Variants in SRPRB observed in about 807,000 individuals in gnomAD.
The protein encoded by SRPRB is SRP receptor subunit beta, also known as signal recognition particle receptor subunit beta.
A neutral mutation model predicts 31.9 loss-of-function variants in SRPRB; 20 were observed. The ratio of observed to expected loss-of-function variants is 0.63; its 90% CI spans 0.44 to 0.91. The LOEUF is 0.91. SRPRB is among the 40% of genes least tolerant of loss of function. The pLI is 0.00. For missense variants in SRPRB, 321 were observed against 324.9 expected (o/e 0.99, Z 0.09); for synonymous variants, 146 against 132.8 (o/e 1.10, Z -0.68).
intron 1 of SRPRB, chr3:133,785,346 G>C (rs1390372849): frequency 8.5e-6 from 1 of 117,416 alleles, no homozygotes; most frequent in African/African-American, 3.4e-5. Context: ...CGGGAGGGAG[G>C]TGGGGGGGTC....
intron 6 of SRPRB, among the ~76,000 whole-genome samples, chr3:133,819,109 C>CTGGAGTTGG (rs1296849243): frequency 6.6e-6 from 1 of 152,126 alleles, no homozygotes; most frequent in East Asian, 1.9e-4. Flanking sequence ...ATATGAGAAT[C>CTGGAGTTGG]TGGAGTTGGT....
At chr3:133,807,669 G>C in intron 2 of SRPRB, 77 bp from the exon 3 acceptor site, 7 of 965,436 alleles carry the variant, frequency 7.3e-6, no homozygotes, top group Non-Finnish European at 5.0e-6. Flanking sequence ...CTTACACCTG[G>C]GAGACTTAGA....
intron 2 of SRPRB, 61 bp from the exon 3 acceptor site, chr3:133,807,685 A>G: frequency 9.0e-7 from 1 of 1,114,906 alleles, no homozygotes; most frequent in South Asian, 1.3e-5. Context: ...TTAGAATAAT[A>G]TAACTCAATT....
chr3:133,799,261 A>C (rs1051704343), intron 1 of SRPRB, among the ~76,000 whole-genome samples: 18 of 152,306 alleles, frequency 1.2e-4, no homozygotes, highest in African/African-American at 2.6e-4. Flanking sequence ...TGTTTATAAT[A>C]AGGTGAAAAA....
intron 1 of SRPRB, 65 bp downstream of exon 1, chr3:133,806,067 G>A (rs1344355621): frequency 1.9e-6 from 3 of 1,563,958 alleles, no homozygotes; most frequent in Non-Finnish European, 1.7e-6. Flanking sequence ...TGGCTGCACC[G>A]CTGCAGGCCG....
chr3:133,828,053 C>T, downstream of SRPRB: 1 of 696,850 alleles, frequency 1.4e-6, no homozygotes, highest in Non-Finnish European at 2.6e-6. Flanking sequence ...GTTGCCTGTA[C>T]CCTCAACCCC....
rs760495870 is a variant in SRPRB, at chr3:133,806,019, G to T, written c.154+17G>T. The T allele has an allele frequency of 1.7e-5, 28 of 1,609,652 alleles. No individual in the cohort carries two copies. The South Asian group carries it at 3.0e-4, about 17-fold the overall frequency. On this transcript the variant is annotated intron_variant, in intron 1 of 6. Transcript: ENST00000678299. ...TGACGCTAGGTAAAAGGCGGCCGGT[G>T]GTCATGGCGGGTTTGGGGCGGGCAG...
chr3:133,793,889 A>G (rs1423204707), intron 1 of SRPRB: 1 of 152,176 alleles, frequency 6.6e-6, no homozygotes, highest in Non-Finnish European at 1.5e-5. Flanking sequence ...CTGGAACTTT[A>G]ATGAAAAGAC....
chr3:133,812,586 T>C (rs141848752), intron 4 of SRPRB, among the ~76,000 whole-genome samples: 1 of 152,258 alleles, frequency 6.6e-6, no homozygotes, highest in Non-Finnish European at 1.5e-5. Context: ...TATGTGACTT[T>C]TTTTTAATCC....
downstream of SRPRB, among the ~76,000 whole-genome samples, chr3:133,822,165 C>T (rs781682127): frequency 6.6e-6 from 1 of 152,188 alleles, no homozygotes; most frequent in East Asian, 1.9e-4. Context: ...GTCTTGGAGA[C>T]GGGCCAACTA....
At chr3:133,823,154 A>G (rs781012595), downstream of SRPRB, among the ~76,000 whole-genome samples, 8 of 152,204 alleles carry the variant, frequency 5.3e-5, no homozygotes, top group Non-Finnish European at 8.8e-5. Context: ...TGCAGCCCCA[A>G]CGGGACTGCC....
At chr3:133,791,949 T>C (rs1934849793) in intron 1 of SRPRB, 1 of 152,220 alleles carries the variant, frequency 6.6e-6, no homozygotes, top group Non-Finnish European at 1.5e-5. Context: ...ATTTACTTCA[T>C]GTAACTTAAG....
At chr3:133,811,047 T>A in intron 3 of SRPRB, 70 bp from the exon 4 acceptor site, 1 of 1,459,282 alleles carries the variant, frequency 6.9e-7, no homozygotes, top group South Asian at 1.2e-5. Context: ...AGCCAATATA[T>A]GATACTAAAG....
downstream of SRPRB, chr3:133,826,838 G>A (rs915308109): frequency 2.0e-5 from 3 of 152,688 alleles, no homozygotes; most frequent in African/African-American, 7.2e-5. Context: ...CACAATGCAA[G>A]TTCCAACTTG....
chr3:133,803,124 G>A (rs140380298), upstream of SRPRB, among the ~76,000 whole-genome samples: 462 of 151,844 alleles, frequency 3.0e-3, 1 homozygote, highest in Non-Finnish European at 3.6e-3. Flanking sequence ...AGCATCCTTT[G>A]CCTAAATACT....
At chr3:133,817,919 A>G (rs1935394558) in intron 6 of SRPRB, among the ~76,000 whole-genome samples, 1 of 152,220 alleles carries the variant, frequency 6.6e-6, no homozygotes, top group Non-Finnish European at 1.5e-5. Flanking sequence ...GCAAGCCAAG[A>G]GTAAATCGAC....
At chr3:133,824,952 C>T (rs1935534104), downstream of SRPRB, 1 of 152,172 alleles carries the variant, frequency 6.6e-6, no homozygotes, top group Non-Finnish European at 1.5e-5. Context: ...AGTTGCCCTT[C>T]TCCATCCTGG....
chr3:133,824,208 T>G (rs368004495), downstream of SRPRB: 3 of 152,428 alleles, frequency 2.0e-5, no homozygotes, highest in East Asian at 5.8e-4. Flanking sequence ...CATTTATGAC[T>G]GCACCACTTA....
chr3:133,805,662 CT>C (rs1027491257), upstream of SRPRB: 2 of 612,938 alleles, frequency 3.3e-6, no homozygotes, highest in Non-Finnish European at 5.1e-6. Flanking sequence ...CTGTCTGCCC[CT>C]ATCGTTCTGT....
Sources: allele counts gnomAD v4.1 joint callset (sites outside exome capture counted in the v4.1 genomes callset), GRCh38; gene constraint gnomAD v4.1.1; transcripts MANE v1.5; gene names NCBI Gene and HGNC (gene_info 2026-07-23, HGNC 2026-07-21).